MYPN: variants seen among roughly 807,000 people sequenced by gnomAD.
MYPN encodes the protein myopalladin.
A neutral mutation model predicts 129.4 loss-of-function variants in MYPN; 63 were observed. That is an observed-to-expected ratio of 0.49 (90% CI 0.40 to 0.60). MYPN has a LOEUF of 0.60. Among genes scored for constraint, MYPN ranks in the 20% least tolerant of loss-of-function variants. The pLI, the probability that MYPN is intolerant of heterozygous loss-of-function variation, is 0.00. For missense variants in MYPN, 1,596 were observed against 1,635.4 expected, an observed-to-expected ratio of 0.98 and a Z score of 0.42; for synonymous variants, 629 against 600.9, an observed-to-expected ratio of 1.05 and a Z score of -0.68.
intron 1 of MYPN, among the ~76,000 whole-genome samples, chr10:68,093,210 G>A (rs1369376226): frequency 1.3e-5 from 2 of 151,992 alleles, no homozygotes; most frequent in Non-Finnish European, 2.9e-5. Context: ...GGAAAAAGGA[G>A]GCCTCATCCC....
chr10:68,137,070 G>T (rs941768770), intron 2 of MYPN, among the ~76,000 whole-genome samples: 9 of 151,772 alleles, frequency 5.9e-5, no homozygotes, highest in African/African-American at 2.2e-4. Context: ...AACTGAAAAA[G>T]ATTTTAAATA....
At chr10:68,106,950 GTTTGCTTGCCAC>G, upstream of MYPN, 2 of 618,306 alleles carry the variant, frequency 3.2e-6, no homozygotes, top group South Asian at 3.8e-5. Context: ...CCAACCTTGT[GTTTGCTTGCCAC>G]TTAACAAAGT....
chr10:68,162,529 C>T (rs568083792), intron 8 of MYPN, among the ~76,000 whole-genome samples: 30 of 152,276 alleles, frequency 2.0e-4, no homozygotes, highest in African/African-American at 5.8e-4. Flanking sequence ...TGACAGTAGG[C>T]GAAGTTAGAA....
chr10:68,157,083 T>A (rs558049336), intron 6 of MYPN, among the ~76,000 whole-genome samples: 4 of 152,224 alleles, frequency 2.6e-5, no homozygotes, highest in Non-Finnish European at 5.9e-5. Context: ...TTTATTATCT[T>A]CTAGAGTCTA....
At chr10:68,182,449 TAACATATATATATAACATATATAC>T (rs1564687243) in intron 12 of MYPN, among the ~76,000 whole-genome samples, 6 of 112,268 alleles carry the variant, frequency 5.3e-5, no homozygotes, top group Admixed American at 1.0e-4. Context: ...AACATATATA[TAACATATATATATAACATATATAC>T]ACACACACAC....
At chr10:68,145,610 C>A in intron 4 of MYPN, 84 bp downstream of exon 4, 1 of 1,161,098 alleles carries the variant, frequency 8.6e-7, no homozygotes, top group East Asian at 2.4e-5. Context: ...GTTACTAGAA[C>A]TTAAGAAGGG....
chr10:68,104,179 C>A (rs1020824496), upstream of MYPN, among the ~76,000 whole-genome samples: 2 of 152,120 alleles, frequency 1.3e-5, no homozygotes, highest in Non-Finnish European at 2.9e-5. Context: ...TTTCCTTTCC[C>A]GCACATCATT....
chr10:68,182,379 TAACAC>T (rs1355519419), intron 12 of MYPN, among the ~76,000 whole-genome samples: 14 of 97,602 alleles, frequency 1.4e-4, no homozygotes, highest in Non-Finnish European at 2.9e-4. Flanking sequence ...ATAACATATA[TAACAC>T]ATATATAACA....
intron 12 of MYPN, among the ~76,000 whole-genome samples, chr10:68,182,035 G>A (rs2043320997): frequency 6.6e-6 from 1 of 151,886 alleles, no homozygotes; most frequent in African/African-American, 2.4e-5. Flanking sequence ...TGTGATGAAG[G>A]TAAAAGGTTG....
chr10:68,091,407 T>C (rs1311890313), intron 1 of MYPN, among the ~76,000 whole-genome samples: 1 of 149,540 alleles, frequency 6.7e-6, no homozygotes, highest in Non-Finnish European at 1.5e-5. Flanking sequence ...TTTTTTTTTT[T>C]TTTTTTTGAC....
chr10:68,196,647 C>A (rs1420443035), intron 15 of MYPN, among the ~76,000 whole-genome samples: 1 of 151,982 alleles, frequency 6.6e-6, no homozygotes, highest in African/African-American at 2.4e-5. Flanking sequence ...CCATGCCCAG[C>A]TAATTTTTGT....
intron 1 of MYPN, among the ~76,000 whole-genome samples, chr10:68,088,335 C>A (rs1020945135): frequency 1.3e-5 from 2 of 152,058 alleles, no homozygotes; most frequent in Admixed American, 6.5e-5. Flanking sequence ...ACTGCAGAGC[C>A]AAGAAGGAAA....
At chr10:68,161,893 T>A in intron 8 of MYPN, 141 bp downstream of exon 8, 1 of 653,460 alleles carries the variant, frequency 1.5e-6, no homozygotes, top group Non-Finnish European at 2.6e-6. Context: ...CCGGGTGCAG[T>A]GGCTCATGTC....
chr10:68,154,229 A>C (rs1192874941), intron 6 of MYPN, among the ~76,000 whole-genome samples: 1 of 152,140 alleles, frequency 6.6e-6, no homozygotes, highest in Non-Finnish European at 1.5e-5. Context: ...CAGCACTCAC[A>C]CTTCTTGAAT....
At chr10:68,164,990 G>A (rs1358987973) in intron 8 of MYPN, among the ~76,000 whole-genome samples, 1 of 152,190 alleles carries the variant, frequency 6.6e-6, no homozygotes, top group East Asian at 1.9e-4. Flanking sequence ...AGAGATCTAG[G>A]CTTAGAAAAT....
chr10:68,135,425 A>G (rs990018457), intron 2 of MYPN: 1 of 928,534 alleles, frequency 1.1e-6, no homozygotes, highest in African/African-American at 1.8e-5. Flanking sequence ...ATTAGACAAC[A>G]TTTATTATTA....
intron 8 of MYPN, among the ~76,000 whole-genome samples, chr10:68,164,842 C>T (rs923755430): frequency 6.6e-6 from 1 of 152,204 alleles, no homozygotes; most frequent in African/African-American, 2.4e-5. Context: ...GCATTTCACT[C>T]TTCTTTCACA....
intron 2 of MYPN, among the ~76,000 whole-genome samples, chr10:68,126,497 C>G (rs2042327854): frequency 6.6e-6 from 1 of 152,092 alleles, no homozygotes; most frequent in Admixed American, 6.5e-5. Context: ...AAAATGAAGC[C>G]ATGAAGCCAC....
intron 1 of MYPN, among the ~76,000 whole-genome samples, chr10:68,095,809 C>A (rs994741411): frequency 6.6e-6 from 1 of 151,904 alleles, no homozygotes; most frequent in Non-Finnish European, 1.5e-5. Flanking sequence ...TTTAATTTTG[C>A]GAGATGAAAA....
Sources: gnomAD v4.1 joint callset for allele counts (sites outside exome capture counted in the v4.1 genomes callset) on GRCh38, gnomAD v4.1.1 for gene constraint, MANE v1.5 for transcripts, NCBI Gene and HGNC (gene_info 2026-07-23, HGNC 2026-07-21) for gene names.